The following INTS12 variants were observed in gnomAD, a reference collection of about 807,000 sequenced individuals.
INTS12 encodes PHD finger protein 22.
INTS12 carries 13 observed loss-of-function variants against 41.6 expected under a neutral mutation model. The ratio of observed to expected loss-of-function variants is 0.31; its 90% CI spans 0.20 to 0.50. The LOEUF (loss-of-function observed/expected upper bound fraction) is 0.50. INTS12 is among the 20% of genes least tolerant of loss of function. INTS12 has a pLI of 0.98. For missense variants in INTS12, 432 were observed against 541.6 expected (o/e 0.80, Z 2.01); for synonymous variants, 199 against 191.4 (o/e 1.04, Z -0.33).
chr4:105,705,343 C>G (rs1732227688), intron 1 of INTS12: 1 of 152,620 alleles, frequency 6.6e-6, no homozygotes, highest in Non-Finnish European at 1.5e-5. Context: ...ATGAAACCGT[C>G]TAGCTGCAGG....
Position 105,683,048 on chromosome 4 carries a change from T to C in INTS12, c.1074A>G (p.Val358=). The C allele has an allele frequency of 6.2e-7, 1 of 1,614,150 alleles. No homozygotes were observed. Among genetic ancestry groups the C allele is most frequent in the Admixed American group, 1.7e-5 (1 of 60,020 alleles). ...IGSNNSTTPT[V]PLKPPPPLTL... is the part of the protein sequence containing the mutation. Reference sequence around the variant, plus strand: ...TTAGAGGTGGAGGTGGTTTTAAAGGTACAGTGGGCGTAGTGCTGTTATTGG... The same window carrying C: ...TTAGAGGTGGAGGTGGTTTTAAAGGCACAGTGGGCGTAGTGCTGTTATTGG... The change falls in exon 8 of 8, where the codon GTA becomes GTG. Residue 358 remains valine (V), a synonymous_variant. Coordinates refer to ENST00000340139, the MANE Select transcript of INTS12 (RefSeq NM_020395.4).
chr4:105,691,575 C>A (rs943658451), intron 6 of INTS12, among the ~76,000 whole-genome samples: 1 of 152,136 alleles, frequency 6.6e-6, no homozygotes, highest in Admixed American at 6.5e-5. Context: ...CTTATCCATG[C>A]GGTGGTTTAA....
chr4:105,689,261 C>G (rs1731599954), intron 6 of INTS12, among the ~76,000 whole-genome samples: 3 of 152,208 alleles, frequency 2.0e-5, no homozygotes, highest in Admixed American at 2.0e-4. Context: ...TACCGCAGAA[C>G]TTGCCCCAGT....
chr4:105,694,175 G>A (rs1336126394), intron 4 of INTS12, among the ~76,000 whole-genome samples: 1 of 152,106 alleles, frequency 6.6e-6, no homozygotes, highest in Middle Eastern at 3.2e-3. Context: ...ATTCCCCTAT[G>A]ATAAATCAGT....
At chr4:105,704,517 C>A (rs1303409381) in intron 1 of INTS12, among the ~76,000 whole-genome samples, 1 of 152,246 alleles carries the variant, frequency 6.6e-6, no homozygotes, top group Non-Finnish European at 1.5e-5. Context: ...GCAATTCTAT[C>A]TACTCTAAAG....
At chr4:105,701,936 A>G (rs544540721) in intron 2 of INTS12, among the ~76,000 whole-genome samples, 177 of 152,230 alleles carry the variant, frequency 1.2e-3, no homozygotes, top group African/African-American at 3.9e-3. Flanking sequence ...CCTAGATTAC[A>G]AGACTGCGGA....
chr4:105,707,380 A>C (rs764697662), intron 1 of INTS12, among the ~76,000 whole-genome samples: 3 of 151,640 alleles, frequency 2.0e-5, no homozygotes, highest in Non-Finnish European at 4.4e-5. Context: ...TTAAGGGCAG[A>C]GTCTATATTT....
At chr4:105,708,083 A>C in intron 1 of INTS12, 1 of 985,416 alleles carries the variant, frequency 1.0e-6, no homozygotes, top group Non-Finnish European at 1.2e-6. Context: ...CCTTCCAATA[A>C]ACATTATTTT....
chr4:105,702,204 C>T (rs1167148714), intron 2 of INTS12, among the ~76,000 whole-genome samples: 5 of 136,458 alleles, frequency 3.7e-5, no homozygotes, highest in East Asian at 4.3e-4. Context: ...GGCATGATCT[C>T]GGCTCATGGC....
At chr4:105,705,706 A>G (rs1270845950) in intron 1 of INTS12, 1 of 152,188 alleles carries the variant, frequency 6.6e-6, no homozygotes, top group African/African-American at 2.4e-5. Flanking sequence ...ACTTCAGTAG[A>G]AAGTGTGCCA....
intron 7 of INTS12, among the ~76,000 whole-genome samples, chr4:105,684,499 A>C: frequency 6.6e-6 from 1 of 152,130 alleles, no homozygotes; most frequent in African/African-American, 2.4e-5. Flanking sequence ...GGTAGCCTTC[A>C]ATATTGTCTG....
At position 105,683,198 on chromosome 4, in the gene INTS12, T is replaced by G. The variant is rs1170272925; in HGVS notation, c.924A>C (p.Ala308=). The G allele has an allele frequency of 6.2e-7, 1 of 1,614,164 alleles. No homozygotes were observed. The highest frequency in any genetic ancestry group is 8.5e-7 in the Non-Finnish European group (1 of 1,179,994). The stretch of plus-strand genomic sequence containing the variant: ...TGTTTTGTGTTGTTGAACTCAATTT[T>G]GCTGTTGAAGGACCAGCAGAGGAAG... The part of the protein sequence containing the change: ...AKTSSAGPST[A]KLSSTTQNNT... The change falls in exon 8 of 8, where the codon GCA becomes GCC. Residue 308 remains alanine, a synonymous_variant. Transcript: ENST00000340139.
At chr4:105,700,989 T>C (rs1732050338) in intron 2 of INTS12, among the ~76,000 whole-genome samples, 1 of 152,206 alleles carries the variant, frequency 6.6e-6, no homozygotes, top group African/African-American at 2.4e-5. Flanking sequence ...GCTTGAAATC[T>C]TCTATCCTTG....
At chr4:105,694,277 G>A (rs768697883) in intron 4 of INTS12, among the ~76,000 whole-genome samples, 2 of 152,144 alleles carry the variant, frequency 1.3e-5, no homozygotes, top group African/African-American at 2.4e-5. Context: ...ACATAGTTGA[G>A]TGGAGAAAAA....
intron 1 of INTS12, among the ~76,000 whole-genome samples, chr4:105,706,680 T>C (rs528492767): frequency 6.6e-6 from 1 of 152,328 alleles, no homozygotes; most frequent in African/African-American, 2.4e-5. Context: ...GCTCTTACTT[T>C]CAATAAATGA....
intron 1 of INTS12, chr4:105,708,427 A>T: frequency 4.1e-6 from 4 of 985,484 alleles, no homozygotes; most frequent in Non-Finnish European, 4.8e-6. Flanking sequence ...CTCGGTCCGC[A>T]TGTCCCGGCC....
At chr4:105,701,555 A>G (rs1179446951) in intron 2 of INTS12, among the ~76,000 whole-genome samples, 1 of 152,150 alleles carries the variant, frequency 6.6e-6, no homozygotes, top group Non-Finnish European at 1.5e-5. Context: ...TGAGGAAAAA[A>G]TAGCTCCTTA....
chr4:105,683,676 T>G (rs983694758), intron 7 of INTS12, among the ~76,000 whole-genome samples: 20 of 152,320 alleles, frequency 1.3e-4, no homozygotes, highest in African/African-American at 4.3e-4. Flanking sequence ...CATCTAATTC[T>G]TTTAGACTTT....
chr4:105,696,858 T>G (rs1345820245), intron 3 of INTS12, among the ~76,000 whole-genome samples: 3 of 152,196 alleles, frequency 2.0e-5, no homozygotes, highest in Non-Finnish European at 1.5e-5. Flanking sequence ...ACCAATGCTT[T>G]GTATGGCTAC....
Sources: allele counts gnomAD v4.1 joint callset (sites outside exome capture counted in the v4.1 genomes callset), GRCh38; gene constraint gnomAD v4.1.1; transcripts MANE v1.5; gene names NCBI Gene and HGNC (gene_info 2026-07-23, HGNC 2026-07-21).